The following PCDH15 variants were observed in gnomAD, a reference collection of about 807,000 sequenced individuals.
PCDH15 encodes protocadherin-15.
Under a neutral mutation model 178.5 loss-of-function variants are expected in PCDH15, and 129 were observed. The ratio of observed to expected loss-of-function variants is 0.72; its 90% CI spans 0.63 to 0.84. The LOEUF is 0.84. Ranked by LOEUF, PCDH15 falls within the 40% of genes least tolerant of loss-of-function variation. The probability of loss-of-function intolerance (pLI) is 0.00; values close to 1 mark genes in which losing one functional copy is unlikely to be tolerated. For missense variants in PCDH15, 2,230 were observed against 2,099.9 expected (o/e 1.06, Z -1.21); for synonymous variants, 800 against 732.0 (o/e 1.09, Z -1.50).
At chr10:54,590,782 T>C (rs1311039204) in intron 2 of PCDH15, among the ~76,000 whole-genome samples, 1 of 152,082 alleles carries the variant, frequency 6.6e-6, no homozygotes, top group Non-Finnish European at 1.5e-5. Context: ...TGAAAGCATT[T>C]TGCACCCTCT....
chr10:54,382,119 G>C (rs1295608424), intron 3 of PCDH15, among the ~76,000 whole-genome samples: 1 of 152,038 alleles, frequency 6.6e-6, no homozygotes, highest in East Asian at 1.9e-4. Flanking sequence ...ACATTTCTTG[G>C]CTGGTCAATC....
At chr10:54,539,159 A>T (rs2084912491) in intron 2 of PCDH15, among the ~76,000 whole-genome samples, 1 of 152,164 alleles carries the variant, frequency 6.6e-6, no homozygotes, top group African/African-American at 2.4e-5. Context: ...CGTACTATCT[A>T]AAAGCCCTAC....
At chr10:55,264,250 C>A (rs893472785) in intron 1 of PCDH15, among the ~76,000 whole-genome samples, 1 of 152,086 alleles carries the variant, frequency 6.6e-6, no homozygotes, top group African/African-American at 2.4e-5. Flanking sequence ...AAAGAACAAC[C>A]AGGTCTGAGG....
At position 54,250,347 on chromosome 10, in the gene PCDH15, A is replaced by G. The variant is rs144778142; in HGVS notation, c.877-13416T>C. 6.1e-5 allele frequency among the ~76,000 whole-genome samples: 9 copies of G among 147,162 alleles called. No homozygotes were observed. The East Asian group carries it at 1.6e-3, about 26-fold the overall frequency. Reference sequence around the variant, plus strand: ...GCCCAGGCTAGAGGGCAGTGGCGCAATCTCGGCTCACTGCAAGCTCTGCCT... The same window carrying G: ...GCCCAGGCTAGAGGGCAGTGGCGCAGTCTCGGCTCACTGCAAGCTCTGCCT... On this transcript the variant is annotated intron_variant, in intron 8 of 37. Coordinates refer to ENST00000644397, the MANE Select transcript of PCDH15 (RefSeq NM_001384140.1).
intron 2 of PCDH15, among the ~76,000 whole-genome samples, chr10:55,149,015 T>G (rs1339592251): frequency 6.6e-6 from 1 of 151,390 alleles, no homozygotes; most frequent in East Asian, 1.9e-4. Context: ...GTAATCTTTA[T>G]TATCTTAGAT....
chr10:54,718,245 A>T (rs1336216378), intron 1 of PCDH15, among the ~76,000 whole-genome samples: 4 of 150,002 alleles, frequency 2.7e-5, no homozygotes, highest in Non-Finnish European at 5.9e-5. Flanking sequence ...CATGTACCCT[A>T]AAACTTGAAG....
At chr10:54,472,600 C>T (rs550437070) in intron 3 of PCDH15, among the ~76,000 whole-genome samples, 23 of 152,076 alleles carry the variant, frequency 1.5e-4, no homozygotes, top group Admixed American at 5.9e-4. Flanking sequence ...CCCTCAAGAA[C>T]GTCATGATCT....
intron 2 of PCDH15, chr10:54,575,295 T>C (rs1163050112): frequency 6.6e-6 from 1 of 152,142 alleles, no homozygotes; most frequent in East Asian, 1.9e-4. Flanking sequence ...AAACTTAAAG[T>C]ATAATAAAAA....
rs950329190 is a variant in PCDH15, at chr10:54,703,483, T to G, written c.-28-39193A>C. 7.2e-5 allele frequency among the ~76,000 whole-genome samples: 11 copies of G among 152,048 alleles called. No homozygotes were observed. In the East Asian group the frequency reaches 1.9e-3, roughly 27 times the overall value. Reference sequence around the variant, plus strand: ...ATGATTCTATATGTAGGAAACCCCATAGTCTCTGCCCAAAAGCACCTAGAT... The same window carrying G: ...ATGATTCTATATGTAGGAAACCCCAGAGTCTCTGCCCAAAAGCACCTAGAT... On this transcript the variant is annotated intron_variant, in intron 1 of 37. Coordinates refer to ENST00000644397, the MANE Select transcript of PCDH15 (RefSeq NM_001384140.1).
At chr10:54,057,805 G>A (rs765834483) in intron 18 of PCDH15, among the ~76,000 whole-genome samples, 10 of 152,136 alleles carry the variant, frequency 6.6e-5, no homozygotes, top group Non-Finnish European at 1.5e-4. Context: ...TTTATGCTCT[G>A]TTTCCTCTTG....
chr10:54,292,274 C>A (rs748039885), intron 8 of PCDH15, among the ~76,000 whole-genome samples: 3 of 152,146 alleles, frequency 2.0e-5, no homozygotes, highest in Non-Finnish European at 4.4e-5. Context: ...TTCAATGGCC[C>A]TTCATGCTAA....
At chr10:53,878,397 C>T (rs2080427905) in intron 26 of PCDH15, among the ~76,000 whole-genome samples, 1 of 139,130 alleles carries the variant, frequency 7.2e-6, no homozygotes, top group Non-Finnish European at 1.5e-5. Flanking sequence ...TATATATATA[C>T]TATACTATGG....
At chr10:54,382,549 T>G (rs1565136825) in intron 3 of PCDH15, among the ~76,000 whole-genome samples, 1 of 152,168 alleles carries the variant, frequency 6.6e-6, no homozygotes, top group Non-Finnish European at 1.5e-5. Flanking sequence ...AAAGTCTATG[T>G]TTCTATTTCC....
At chr10:54,937,367 T>C (rs1837934272) in intron 2 of PCDH15, among the ~76,000 whole-genome samples, 1 of 152,014 alleles carries the variant, frequency 6.6e-6, no homozygotes, top group Non-Finnish European at 1.5e-5. Context: ...ACTTTGATCA[T>C]GATAGGGATT....
intron 9 of PCDH15, among the ~76,000 whole-genome samples, chr10:54,219,387 G>A (rs982035762): frequency 1.1e-4 from 16 of 150,170 alleles, no homozygotes; most frequent in Non-Finnish European, 2.2e-4. Context: ...TCAGGAGATC[G>A]AGACCATCCT....
intron 15 of PCDH15, among the ~76,000 whole-genome samples, chr10:54,102,475 T>C (rs562994837): frequency 1.3e-5 from 2 of 152,246 alleles, no homozygotes. Context: ...AAGCTTACAA[T>C]AGTCCACTGT....
intron 35 of PCDH15, among the ~76,000 whole-genome samples, chr10:53,812,760 C>CATTT (rs1448539862): frequency 6.6e-6 from 1 of 152,078 alleles, no homozygotes; most frequent in Non-Finnish European, 1.5e-5. Flanking sequence ...TAACCAAATT[C>CATTT]ATTTCGCAAT....
intron 2 of PCDH15, among the ~76,000 whole-genome samples, chr10:54,937,208 G>A (rs1486887137): frequency 2.0e-5 from 3 of 151,720 alleles, no homozygotes; most frequent in Non-Finnish European, 4.4e-5. Flanking sequence ...TTTGATTACC[G>A]TGGTTTTGTA....
At chr10:54,708,838 T>A (rs1475299430) in intron 1 of PCDH15, among the ~76,000 whole-genome samples, 2 of 151,902 alleles carry the variant, frequency 1.3e-5, no homozygotes, top group Non-Finnish European at 2.9e-5. Flanking sequence ...ATTCTTGGCA[T>A]GCTTAAATAG....
Sources: gnomAD v4.1 joint callset for allele counts (sites outside exome capture counted in the v4.1 genomes callset) on GRCh38, gnomAD v4.1.1 for gene constraint, MANE v1.5 for transcripts, NCBI Gene and HGNC (gene_info 2026-07-23, HGNC 2026-07-21) for gene names.